SH3RF3: variants seen among roughly 807,000 people sequenced by gnomAD.
The protein encoded by SH3RF3 is E3 ubiquitin-protein ligase SH3RF3.
A neutral mutation model predicts 66.3 loss-of-function variants in SH3RF3; 29 were observed. The ratio of observed to expected loss-of-function variants is 0.44; its 90% CI spans 0.33 to 0.60. The LOEUF is 0.60. SH3RF3 is among the 20% of genes least tolerant of loss of function. The probability of loss-of-function intolerance (pLI) is 0.04; values close to 1 mark genes in which losing one functional copy is unlikely to be tolerated. For synonymous variants in SH3RF3, 583 were observed against 532.0 expected (o/e 1.10, Z -1.32); for missense variants, 1,194 against 1,190.9 (o/e 1.00, Z -0.04).
intron 1 of SH3RF3, among the ~76,000 whole-genome samples, chr2:109,254,559 T>C (rs779760376): frequency 2.6e-5 from 4 of 152,236 alleles, no homozygotes; most frequent in Non-Finnish European, 5.9e-5. Flanking sequence ...TTGTAGATGC[T>C]GATTAAAACT....
At chr2:109,311,567 A>G (rs553669295) in intron 1 of SH3RF3, among the ~76,000 whole-genome samples, 37 of 152,208 alleles carry the variant, frequency 2.4e-4, no homozygotes, top group Non-Finnish European at 4.7e-4. Flanking sequence ...CTGTTTGCAG[A>G]CGACATGATT....
rs145515097 is a variant in SH3RF3 at position 109,394,584 on chromosome 2, A to G, written c.946-4006A>G. On this transcript the variant is annotated intron_variant, in intron 3 of 9. Transcript: ENST00000309415. ...TGTTATCATTTTGTTTCCATTTTGTATGGAAGTTGAAAATGTGTTCTCTTT... is the reference window on the plus strand; with the variant it reads ...TGTTATCATTTTGTTTCCATTTTGTGTGGAAGTTGAAAATGTGTTCTCTTT... Among the ~76,000 whole-genome samples the G allele has an allele frequency of 6.0e-3, 921 of 152,370 alleles. 6 individuals carry two copies. Among genetic ancestry groups the G allele is most frequent in the South Asian group, 0.01 (50 of 4,830 alleles).
At chr2:109,480,310 C>G (rs1329070291) in intron 8 of SH3RF3, among the ~76,000 whole-genome samples, 1 of 152,176 alleles carries the variant, frequency 6.6e-6, no homozygotes, top group Non-Finnish European at 1.5e-5. Context: ...CAGCCACCCT[C>G]TATGACAGGT....
chr2:109,322,952 A>C (rs1467748660), intron 1 of SH3RF3, among the ~76,000 whole-genome samples: 3 of 152,188 alleles, frequency 2.0e-5, no homozygotes, highest in Middle Eastern at 3.2e-3. Flanking sequence ...GAGAGTGGGC[A>C]GGCAATATAA....
chr2:109,340,664 C>T (rs1028056617), intron 1 of SH3RF3, among the ~76,000 whole-genome samples: 7 of 152,144 alleles, frequency 4.6e-5, no homozygotes, highest in African/African-American at 1.7e-4. Flanking sequence ...AGTCAATGAT[C>T]ATTGTTTTTA....
chr2:109,217,560 G>A (rs911602672), intron 1 of SH3RF3, among the ~76,000 whole-genome samples: 7 of 152,168 alleles, frequency 4.6e-5, no homozygotes, highest in Non-Finnish European at 1.0e-4. Context: ...GCTTCCGGCA[G>A]ATTTTTCTCT....
chr2:109,190,412 G>A (rs569801627), intron 1 of SH3RF3, among the ~76,000 whole-genome samples: 65 of 152,326 alleles, frequency 4.3e-4, no homozygotes, highest in African/African-American at 1.5e-3. Flanking sequence ...GACCTCAGGC[G>A]ATCCACCCGC....
At chr2:109,369,021 C>CT (rs1683206319) in intron 2 of SH3RF3, among the ~76,000 whole-genome samples, 1 of 152,106 alleles carries the variant, frequency 6.6e-6, no homozygotes, top group Admixed American at 6.6e-5. Flanking sequence ...CAGGGCCCCA[C>CT]TCTAGTGTCC....
At position 109,130,022 on chromosome 2, in the gene SH3RF3, C is replaced by T. The variant is rs1574464949; in HGVS notation, c.482C>T (p.Pro161Leu). The T allele has an allele frequency of 4.5e-6, 6 of 1,322,226 alleles. No individual in the cohort carries two copies. Among genetic ancestry groups the T allele is most frequent in the Non-Finnish European group, 4.8e-6 (5 of 1,040,160 alleles). 81.9% of individuals were successfully genotyped at this position (1,322,226 alleles called of 1,614,324 possible). Residue 161 changes from proline to leucine, a missense_variant, in exon 1 of 10, where the codon CCG becomes CTG. By Grantham distance (98) the Pro-to-Leu change is moderately conservative. Transcript: ENST00000309415. ...GGGGGCGGCGCGGCAGGCAGCACCC[C>T]GGGTTCCCCGGTTTTCCTCTCCGCG... Reference protein sequence around the residue: ...GGGGGAAGSTPGSPVFLSAAA... With the variant: ...GGGGGAAGSTLGSPVFLSAAA...
intron 1 of SH3RF3, among the ~76,000 whole-genome samples, chr2:109,323,420 A>G (rs1322864752): frequency 6.6e-6 from 1 of 152,378 alleles, no homozygotes; most frequent in Admixed American, 6.5e-5. Context: ...AAACACACAT[A>G]TGCACATACT....
intron 1 of SH3RF3, among the ~76,000 whole-genome samples, chr2:109,231,376 T>C (rs1679512292): frequency 6.6e-6 from 1 of 152,268 alleles, no homozygotes; most frequent in Non-Finnish European, 1.5e-5. Context: ...AATGCAGTTA[T>C]CACCACGTTC....
At chr2:109,373,410 T>C (rs1405356403) in intron 3 of SH3RF3, among the ~76,000 whole-genome samples, 4 of 152,178 alleles carry the variant, frequency 2.6e-5, no homozygotes, top group African/African-American at 9.7e-5. Flanking sequence ...CACTCAAGTG[T>C]CCATCAACAG....
intron 8 of SH3RF3, among the ~76,000 whole-genome samples, chr2:109,456,927 G>A (rs1678075333): frequency 6.6e-6 from 1 of 152,248 alleles, no homozygotes; most frequent in Non-Finnish European, 1.5e-5. Context: ...ACGAGGGAAG[G>A]AGCACAGTCA....
chr2:109,202,727 G>A (rs949163658), intron 1 of SH3RF3, among the ~76,000 whole-genome samples: 6 of 152,136 alleles, frequency 3.9e-5, no homozygotes, highest in South Asian at 2.1e-4. Context: ...GAAACGCCAC[G>A]GCCTTCCCGT....
At chr2:109,340,073 C>T (rs188290864) in intron 1 of SH3RF3, among the ~76,000 whole-genome samples, 75 of 152,158 alleles carry the variant, frequency 4.9e-4, no homozygotes, top group Non-Finnish European at 9.6e-4. Context: ...GAGCAGTAAT[C>T]GGGTTATCGG....
intron 9 of SH3RF3, among the ~76,000 whole-genome samples, chr2:109,494,761 G>A (rs1490088145): frequency 6.6e-6 from 1 of 152,104 alleles, no homozygotes; most frequent in Non-Finnish European, 1.5e-5. Context: ...TGCCAAGGAG[G>A]AATGGGCAGT....
chr2:109,298,372 G>A (rs1362112877), intron 1 of SH3RF3, among the ~76,000 whole-genome samples: 1 of 152,114 alleles, frequency 6.6e-6, no homozygotes, highest in Admixed American at 6.5e-5. Flanking sequence ...AGTTTCTGCT[G>A]GGGTAGAAGC....
intron 3 of SH3RF3, among the ~76,000 whole-genome samples, chr2:109,374,485 CCT>C (rs1207943907): frequency 6.6e-6 from 1 of 152,196 alleles, no homozygotes; most frequent in Non-Finnish European, 1.5e-5. Context: ...AAACTGCTTC[CCT>C]CTGGGAGGCC....
intron 1 of SH3RF3, among the ~76,000 whole-genome samples, chr2:109,322,968 C>T (rs10198683): frequency 0.57 from 86,428 of 152,062 alleles, 25,593 homozygotes; most frequent in East Asian, 0.86. Flanking sequence ...TATAAAGAGG[C>T]CAAATCTGAC....
Sources: gnomAD v4.1 joint callset for allele counts (sites outside exome capture counted in the v4.1 genomes callset) on GRCh38, gnomAD v4.1.1 for gene constraint, MANE v1.5 for transcripts, NCBI Gene and HGNC (gene_info 2026-07-23, HGNC 2026-07-21) for gene names.